The following NTNG1 variants were observed in gnomAD, a reference collection of about 807,000 sequenced individuals.
The protein encoded by NTNG1 is netrin-G1.
NTNG1 carries 16 observed loss-of-function variants against 54.0 expected under a neutral mutation model. That is an observed-to-expected ratio of 0.30 (90% CI 0.20 to 0.45). The LOEUF (loss-of-function observed/expected upper bound fraction) is 0.45. Ranked by LOEUF, NTNG1 falls within the 20% of genes least tolerant of loss-of-function variation. The pLI is 1.00. For synonymous variants in NTNG1, 255 were observed against 263.1 expected, an observed-to-expected ratio of 0.97 and a Z score of 0.30; for missense variants, 530 against 678.7, an observed-to-expected ratio of 0.78 and a Z score of 2.43.
chr1:107,311,620 G>A (rs1667018376), intron 2 of NTNG1, among the ~76,000 whole-genome samples: 1 of 151,976 alleles, frequency 6.6e-6, no homozygotes, highest in African/African-American at 2.4e-5. Context: ...AATTCCCAGT[G>A]ACCAACCTAT....
intron 2 of NTNG1, among the ~76,000 whole-genome samples, chr1:107,169,946 C>T (rs1276766672): frequency 6.6e-6 from 1 of 152,212 alleles, no homozygotes; most frequent in East Asian, 1.9e-4. Flanking sequence ...CTGCTGTCCA[C>T]AGCTGGAATT....
At chr1:107,199,529 G>A (rs910421935) in intron 2 of NTNG1, among the ~76,000 whole-genome samples, 1 of 151,778 alleles carries the variant, frequency 6.6e-6, no homozygotes, top group African/African-American at 2.4e-5. Context: ...TTATCTCAAT[G>A]TCACATCAAA....
intron 7 of NTNG1, among the ~76,000 whole-genome samples, chr1:107,440,347 C>A (rs1675890894): frequency 6.6e-6 from 1 of 152,122 alleles, no homozygotes; most frequent in African/African-American, 2.4e-5. Flanking sequence ...AGTGAATATG[C>A]TCTTTGAGTA....
chr1:107,225,933 A>G (rs780523344), intron 2 of NTNG1, among the ~76,000 whole-genome samples: 1 of 152,192 alleles, frequency 6.6e-6, no homozygotes, highest in Non-Finnish European at 1.5e-5. Flanking sequence ...ATGGAGGCAC[A>G]GGTTCTATGT....
intron 3 of NTNG1, 52 bp downstream of exon 3, chr1:107,324,974 T>G (rs1171528941): frequency 2.7e-6 from 4 of 1,508,482 alleles, no homozygotes; most frequent in Middle Eastern, 2.1e-4. Flanking sequence ...CCAAAGAAAA[T>G]GCCAGAGTGT....
At chr1:107,470,026 C>T (rs751345446) in intron 7 of NTNG1, among the ~76,000 whole-genome samples, 1 of 152,110 alleles carries the variant, frequency 6.6e-6, no homozygotes, top group Non-Finnish European at 1.5e-5. Context: ...GATGGTCATC[C>T]GTTGGGTTGC....
chr1:107,433,704 T>C (rs1361324232), intron 6 of NTNG1, among the ~76,000 whole-genome samples: 1 of 152,232 alleles, frequency 6.6e-6, no homozygotes, highest in East Asian at 1.9e-4. Context: ...CTATCTTTTA[T>C]CTGTAGTGCT....
At position 107,394,518 on chromosome 1, in the gene NTNG1, G is replaced by A. The variant is rs1358258268; in HGVS notation, c.888-636G>A. Among the ~76,000 whole-genome samples, 3 of 152,166 alleles carry A rather than the reference G, an allele frequency of 2.0e-5. No homozygotes were observed. The East Asian group carries it at 5.8e-4, about 29-fold the overall frequency. ...GCCCTTTGTGATTCTCCGATTTGCT[G>A]TGAGTGGGATGTCTGAGGATTACTG... On this transcript the variant is annotated intron_variant, in intron 3 of 7. Transcript: ENST00000370068.
intron 2 of NTNG1, among the ~76,000 whole-genome samples, chr1:107,228,728 A>T (rs1341516961): frequency 2.0e-5 from 3 of 152,152 alleles, no homozygotes; most frequent in South Asian, 2.1e-4. Flanking sequence ...ATGGATTCAG[A>T]TTCATACAAT....
chr1:107,407,819 G>C (rs1004738277), intron 5 of NTNG1, 111 bp downstream of exon 5: 1 of 950,640 alleles, frequency 1.1e-6, no homozygotes, highest in South Asian at 1.3e-5. Context: ...ATGTAATAGG[G>C]TATTTTCTTT....
chr1:107,390,503 G>A (rs1002233380), intron 3 of NTNG1, among the ~76,000 whole-genome samples: 2 of 152,100 alleles, frequency 1.3e-5, no homozygotes, highest in Non-Finnish European at 2.9e-5. Flanking sequence ...AATTAAACTG[G>A]GTTTATGATA....
rs1316030486 is a variant in NTNG1 at position 107,483,856 on chromosome 1, A to G, written c.*3016A>G. ...AGCTATCTAGAAAGATTTGCTATTT[A>G]TAGGAAGATAATGGACATGCCCTGC... is the stretch of plus-strand genomic sequence containing the variant. On this transcript the variant is annotated 3_prime_UTR_variant, in exon 8 of 8. Transcript: ENST00000370068. Among the ~76,000 whole-genome samples, 3 of 152,192 alleles carry G rather than the reference A, an allele frequency of 2.0e-5. No individual in the cohort carries two copies. The East Asian group carries it at 5.8e-4, about 29-fold the overall frequency.
chr1:107,294,059 G>T (rs1570605480), intron 2 of NTNG1, among the ~76,000 whole-genome samples: 1 of 152,182 alleles, frequency 6.6e-6, no homozygotes. Flanking sequence ...CCAGGGCAGA[G>T]CCTCTGTCAG....
chr1:107,430,849 G>A lies in NTNG1; in HGVS notation c.1187G>A (p.Cys396Tyr), dbSNP rs1467316055. ...SCKHNTRGQHCELCRLGYFRN... is the reference protein window; with the variant it reads ...SCKHNTRGQHYELCRLGYFRN... The stretch of plus-strand genomic sequence containing the variant: ...AAACACAACACTAGAGGGCAGCACT[G>A]TGAGTTATGCAGGCTGGGCTACTTC... Residue 396 changes from cysteine to tyrosine, a missense_variant, in exon 6 of 8, where the codon TGT becomes TAT. This residue lies in a region of NTNG1 where 212 missense variants were observed against 213.6 expected (regional missense o/e 0.99). Transcript: ENST00000370068. 9.3e-6 allele frequency: 15 copies of A among 1,613,166 alleles called. No homozygotes were observed. The highest frequency in any genetic ancestry group is 1.3e-5 in the Non-Finnish European group (15 of 1,179,616).
At chr1:107,378,782 C>T (rs1671465015) in intron 3 of NTNG1, among the ~76,000 whole-genome samples, 1 of 152,154 alleles carries the variant, frequency 6.6e-6, no homozygotes. Flanking sequence ...ACCTGTTCCT[C>T]CTGGCTCAGT....
rs1479150395 is a variant in NTNG1 at position 107,234,620 on chromosome 1, AC to A, written c.246+85782del. ...AACTGTTGCACAGAGAGGGTAAGTA[AC>A]ATGCCTAAGATGATACAGCCAAAAA... is the stretch of plus-strand genomic sequence containing the variant. On this transcript the variant is annotated intron_variant, in intron 2 of 7. Coordinates refer to ENST00000370068, the MANE Select transcript of NTNG1 (RefSeq NM_001113226.3). Among the ~76,000 whole-genome samples, 75 of 152,328 alleles carry A rather than the reference AC, an allele frequency of 4.9e-4. 1 individual carries two copies. Among genetic ancestry groups the A allele is most frequent in the Admixed American group, 4.8e-3 (73 of 15,296 alleles).
chr1:107,279,879 C>T (rs1260992989), intron 2 of NTNG1, among the ~76,000 whole-genome samples: 1 of 152,076 alleles, frequency 6.6e-6, no homozygotes, highest in East Asian at 1.9e-4. Context: ...CAGCCTCAAA[C>T]TCTTAGCCTC....
At chr1:107,238,948 A>G (rs1257475374) in intron 2 of NTNG1, among the ~76,000 whole-genome samples, 1 of 152,140 alleles carries the variant, frequency 6.6e-6, no homozygotes, top group East Asian at 1.9e-4. Context: ...CTAGGAAGCT[A>G]TGCTCCAGAA....
chr1:107,418,621 C>G lies in NTNG1; in HGVS notation c.1087+10913C>G, dbSNP rs201105809. 247 of 1,602,206 alleles carry G rather than the reference C, an allele frequency of 1.5e-4. 1 individual carries two copies. The highest frequency in any genetic ancestry group is 7.2e-4 in the South Asian group (64 of 88,694). Reference sequence around the variant, plus strand: ...TAGGATATGGCCGAATATTTCTTCCCTTGAGGTTTCTAACCCAAAACAAGG... The same window carrying G: ...TAGGATATGGCCGAATATTTCTTCCGTTGAGGTTTCTAACCCAAAACAAGG... On this transcript the variant is annotated intron_variant, in intron 5 of 7. Coordinates refer to ENST00000370068, the MANE Select transcript of NTNG1 (RefSeq NM_001113226.3).
Sources: allele counts gnomAD v4.1 joint callset (sites outside exome capture counted in the v4.1 genomes callset), GRCh38; gene constraint gnomAD v4.1.1; regional missense constraint gnomAD v4.1.1; transcripts MANE v1.5; gene names NCBI Gene and HGNC (gene_info 2026-07-23, HGNC 2026-07-21).